The following MRTFB variants were observed in gnomAD, a reference collection of about 807,000 sequenced individuals.
MRTFB encodes myocardin-related transcription factor B.
A neutral mutation model predicts 104.2 loss-of-function variants in MRTFB; 29 were observed. The observed-to-expected ratio is 0.28, with a 90% CI of 0.21 to 0.38. MRTFB has a LOEUF of 0.38. MRTFB is among the 10% of genes least tolerant of loss of function. The probability of loss-of-function intolerance (pLI) is 1.00; values close to 1 mark genes in which losing one functional copy is unlikely to be tolerated. For missense variants in MRTFB, 1,270 were observed against 1,341.6 expected (o/e 0.95, Z 0.83); for synonymous variants, 535 against 519.5 (o/e 1.03, Z -0.41).
At chr16:14,192,548 GC>G (rs1303742369) in intron 3 of MRTFB, among the ~76,000 whole-genome samples, 1 of 152,164 alleles carries the variant, frequency 6.6e-6, no homozygotes, top group Non-Finnish European at 1.5e-5. Flanking sequence ...AAGTTTGAGT[GC>G]TTTCACATAG....
chr16:14,152,236 A>G (rs949235659), intron 3 of MRTFB: 1 of 152,082 alleles, frequency 6.6e-6, no homozygotes, highest in Non-Finnish European at 1.5e-5. Flanking sequence ...TTTTCATTAT[A>G]AACCCAATCA....
chr16:14,135,327 A>G (rs1278526740), intron 2 of MRTFB, among the ~76,000 whole-genome samples: 1 of 152,210 alleles, frequency 6.6e-6, no homozygotes, highest in Non-Finnish European at 1.5e-5. Context: ...ACCACATAAC[A>G]TTGGTCCCAT....
intron 3 of MRTFB, chr16:14,187,164 G>C (rs2151034800): frequency 1.3e-6 from 1 of 741,388 alleles, no homozygotes; most frequent in East Asian, 2.9e-5. Context: ...CACATTCTAA[G>C]TTCTTTGAAA....
Position 14,147,681 on chromosome 16 carries a change from G to C in MRTFB, c.154+6921G>C, listed in dbSNP as rs1187606469. ...ATCTCCTGCGGGAGTAGCAGCATCA[G>C]AATGCTAACATGGGCTTGCTTTAGT... On this transcript the variant is annotated intron_variant, in intron 3 of 16. Transcript: ENST00000571589. 3.3e-5 allele frequency among the ~76,000 whole-genome samples: 5 copies of C among 152,134 alleles called. No homozygotes were observed. The East Asian group carries it at 7.7e-4, about 23-fold the overall frequency.
chr16:14,124,615 C>T (rs1454046290), intron 2 of MRTFB, among the ~76,000 whole-genome samples: 2 of 152,028 alleles, frequency 1.3e-5, no homozygotes, highest in Admixed American at 6.6e-5. Flanking sequence ...GGGATGAAGC[C>T]GACTCGTGGT....
rs759617337 is a variant in MRTFB, at chr16:14,245,548, G to A, written c.1100G>A (p.Ser367Asn). Reference protein sequence around the residue: ...APFKPLNDKNSNSGNSALNNA... With the variant: ...APFKPLNDKNNNSGNSALNNA... ...TGAAGGCCACTCAATGACAAAAATA[G>A]TAACAGTGGGAATTCAGCTTTGAAC... Residue 367 changes from serine (S) to asparagine (N), a missense_variant, in exon 11 of 17, where the codon AGT (serine) becomes AAT (asparagine). By Grantham distance (46) the Ser-to-Asn change is conservative. This residue lies in a region of MRTFB where 1,144 missense variants were observed against 1,131.5 expected (regional missense o/e 1.01). Coordinates refer to ENST00000571589, the MANE Select transcript of MRTFB (RefSeq NM_001308142.2). 2.5e-6 allele frequency: 4 copies of A among 1,611,924 alleles called. No individual in the cohort carries two copies. In the Admixed American group the frequency reaches 5.0e-5, roughly 20 times the overall value.
At chr16:14,113,465 A>G (rs559312741) in intron 2 of MRTFB, among the ~76,000 whole-genome samples, 1 of 152,376 alleles carries the variant, frequency 6.6e-6, no homozygotes, top group African/African-American at 2.4e-5. Flanking sequence ...AAACAGGTAC[A>G]GGAGGCCTAA....
chr16:14,101,124 AG>A (rs1291970054), intron 2 of MRTFB, among the ~76,000 whole-genome samples: 3 of 133,648 alleles, frequency 2.2e-5, no homozygotes, highest in African/African-American at 9.6e-5. Context: ...ATAATTATGT[AG>A]GGTTTTTTTT....
rs1211424318 is a variant in MRTFB, at chr16:14,249,051, T to C, written c.2373T>C (p.His791=). Residue 791 remains histidine, a synonymous_variant, in exon 13 of 17, where the codon CAT becomes CAC. Transcript: ENST00000571589. ...AGACACAAGACACGTTCCCGCAGCA[T>C]GTGCTCAGTCAGCCTCAACAAGTCA... ...VPQTQDTFPQ[H]VLSQPQQVRK... 5.6e-6 allele frequency: 9 copies of C among 1,614,060 alleles called. No individual in the cohort carries two copies. The highest frequency in any genetic ancestry group is 7.6e-6 in the Non-Finnish European group (9 of 1,180,046).
chr16:14,064,475 A>G, the MRTFB span, among the ~76,000 whole-genome samples: 10 of 152,136 alleles, frequency 6.6e-5, no homozygotes, highest in Admixed American at 4.6e-4. Context: ...TAGTTTAATT[A>G]GGTCCCATTT....
chr16:14,241,988 TAATA>T (rs1265751287), intron 10 of MRTFB, among the ~76,000 whole-genome samples: 2 of 148,096 alleles, frequency 1.4e-5, no homozygotes, highest in Non-Finnish European at 3.0e-5. Context: ...ATAATAATAA[TAATA>T]ATAATAATAA....
In MRTFB at chr16:14,252,369, G is replaced by T; in HGVS notation, c.2570G>T (p.Ser857Ile). 1 of 1,613,438 alleles carries T rather than the reference G, an allele frequency of 6.2e-7. No homozygotes were observed. The change falls in exon 15 of 17, where the codon AGT becomes ATT. Residue 857 changes from serine to isoleucine, a missense_variant. By Grantham distance (142) the Ser-to-Ile change is moderately radical. Around this residue, in one of 3 missense-constraint regions of MRTFB, gnomAD observed 1,144 missense variants for 1,131.5 expected, o/e 1.01. Transcript: ENST00000571589. Reference sequence around the variant, plus strand: ...CTCCTCCTTTATTTGACACAGCCTAGTTCACCCCCGCCACCCCAGCAATTT... The same window carrying T: ...CTCCTCCTTTATTTGACACAGCCTATTTCACCCCCGCCACCCCAGCAATTT... ...QNGPNTPNKP[S>I]SPPPPQQFVV...
the MRTFB span, among the ~76,000 whole-genome samples, chr16:14,065,131 CT>C: frequency 7.2e-5 from 11 of 152,254 alleles, no homozygotes; most frequent in African/African-American, 2.6e-4. Context: ...TCTCTCTTTT[CT>C]TTCAGCAGTG....
the MRTFB span, among the ~76,000 whole-genome samples, chr16:14,049,975 C>T: frequency 6.6e-6 from 1 of 152,202 alleles, no homozygotes; most frequent in Non-Finnish European, 1.5e-5. Flanking sequence ...TCAGGTGATC[C>T]ATCCGCCTCG....
At chr16:14,001,137 G>C in the MRTFB span, among the ~76,000 whole-genome samples, 1 of 152,210 alleles carries the variant, frequency 6.6e-6, no homozygotes, top group Non-Finnish European at 1.5e-5. Flanking sequence ...TTTGCAATGA[G>C]CCATTTCATC....
At chr16:14,003,101 C>G in the MRTFB span, among the ~76,000 whole-genome samples, 1 of 152,068 alleles carries the variant, frequency 6.6e-6, no homozygotes, top group Non-Finnish European at 1.5e-5. Flanking sequence ...CCCCCTTGAG[C>G]TATTGAGGAC....
intron 3 of MRTFB, among the ~76,000 whole-genome samples, chr16:14,166,688 G>T (rs149095916): frequency 6.6e-6 from 1 of 151,248 alleles, no homozygotes; most frequent in East Asian, 1.9e-4. Context: ...AGCCCCCAGT[G>T]TGTGTTGTTC....
chr16:14,138,220 A>G (rs1185235776), intron 2 of MRTFB, among the ~76,000 whole-genome samples: 2 of 152,152 alleles, frequency 1.3e-5, no homozygotes, highest in Middle Eastern at 3.2e-3. Flanking sequence ...ACAGGGTGTT[A>G]CAATTTTACT....
In MRTFB at chr16:14,085,427, A is replaced by G. The variant is rs372000977; in HGVS notation, c.-64+6073A>G. On this transcript the variant is annotated intron_variant, in intron 2 of 16. Coordinates refer to ENST00000571589, the MANE Select transcript of MRTFB (RefSeq NM_001308142.2). ...AGCCGAGATCGCACCACTGCACTCC[A>G]GCCTGGGCAATAAGAGTGAAATTCC... 2.0e-3 allele frequency among the ~76,000 whole-genome samples: 294 copies of G among 146,166 alleles called. 1 individual carries two copies. The highest frequency in any genetic ancestry group is 7.0e-3 in the African/African-American group (271 of 38,522).
Sources: allele counts gnomAD v4.1 joint callset (sites outside exome capture counted in the v4.1 genomes callset), GRCh38; gene constraint gnomAD v4.1.1; regional missense constraint gnomAD v4.1.1; transcripts MANE v1.5; gene names NCBI Gene and HGNC (gene_info 2026-07-23, HGNC 2026-07-21).